Variants in SEPTIN9 observed in about 807,000 individuals in gnomAD.
SEPTIN9 encodes septin 9.
SEPTIN9 carries 13 observed loss-of-function variants against 56.6 expected under a neutral mutation model. The ratio of observed to expected loss-of-function variants is 0.23; its 90% CI spans 0.15 to 0.37. The LOEUF (loss-of-function observed/expected upper bound fraction) is 0.37, where lower values mean the gene tolerates loss of function less well. SEPTIN9 is among the 10% of genes least tolerant of loss of function. SEPTIN9 has a pLI of 1.00. For synonymous variants in SEPTIN9, 332 were observed against 334.1 expected (o/e 0.99, Z 0.07); for missense variants, 650 against 823.1 (o/e 0.79, Z 2.57).
At chr17:77,416,206 C>T (rs1283568856) in intron 3 of SEPTIN9, among the ~76,000 whole-genome samples, 2 of 152,218 alleles carry the variant, frequency 1.3e-5, no homozygotes, top group Non-Finnish European at 2.9e-5. Flanking sequence ...ACGAAGGCCT[C>T]ACCCTAATCC....
At chr17:77,348,658 T>C (rs1307841955) in intron 2 of SEPTIN9, among the ~76,000 whole-genome samples, 1 of 152,182 alleles carries the variant, frequency 6.6e-6, no homozygotes, top group Non-Finnish European at 1.5e-5. Context: ...ACTTTATAGA[T>C]TCTATTGCAC....
Position 77,434,302 on chromosome 17 carries a change from T to C in SEPTIN9, c.721+31599T>C, listed in dbSNP as rs2037260056. On this transcript the variant is annotated intron_variant, in intron 3 of 11. Transcript: ENST00000427177. This position sits in a 1 kb window ranked among gnomAD's most constrained non-coding sequence, Gnocchi z 5.0. ...ACCCTCCTTGTGCCTCCGTTCACCCTGTCCACCCGCAGGGCCTGCAGGAGC... is the reference window on the plus strand; with the variant it reads ...ACCCTCCTTGTGCCTCCGTTCACCCCGTCCACCCGCAGGGCCTGCAGGAGC... Among the ~76,000 whole-genome samples, 1 of 152,162 alleles carries C rather than the reference T, an allele frequency of 6.6e-6. No individual in the cohort carries two copies. The highest frequency in any genetic ancestry group is 2.1e-4 in the South Asian group (1 of 4,828).
intron 3 of SEPTIN9, chr17:77,428,894 G>A (rs1203576909): frequency 3.6e-5 from 15 of 416,546 alleles, no homozygotes; most frequent in Admixed American, 7.9e-5. Context: ...TTGCCTCATC[G>A]TATGTAAATT....
intron 1 of SEPTIN9, among the ~76,000 whole-genome samples, chr17:77,296,669 A>G (rs756367955): frequency 6.6e-6 from 1 of 152,176 alleles, no homozygotes; most frequent in Non-Finnish European, 1.5e-5. Context: ...CCTGGCTAAC[A>G]GGGTGAAACC....
rs961157816 is a variant in SEPTIN9 at position 77,451,420 on chromosome 17, C to G, written c.722-30724C>G. The stretch of plus-strand genomic sequence containing the variant: ...CCGCGCTCTGGGAGGCTCCTTGTTC[C>G]GCGACCACAAAGCCCCTTTGATCCT... On this transcript the variant is annotated intron_variant, in intron 3 of 11. Coordinates refer to ENST00000427177, the MANE Select transcript of SEPTIN9 (RefSeq NM_001113491.2). This position sits in a 1 kb window ranked among gnomAD's most constrained non-coding sequence, Gnocchi z 4.2. The G allele has an allele frequency of 2.0e-4, 195 of 985,556 alleles. No individual in the cohort carries two copies. The highest frequency in any genetic ancestry group is 2.3e-4 in the Non-Finnish European group (191 of 830,086). 61.1% of individuals were successfully genotyped at this position (985,556 alleles called of 1,614,324 possible).
At chr17:77,320,086 G>T in intron 2 of SEPTIN9, 1 of 1,426,088 alleles carries the variant, frequency 7.0e-7, no homozygotes, top group Admixed American at 2.8e-5. Flanking sequence ...CTCCCGTTTT[G>T]AAGAGACAAT....
chr17:77,299,100 A>C (rs1422055074), intron 1 of SEPTIN9, among the ~76,000 whole-genome samples: 1 of 152,192 alleles, frequency 6.6e-6, no homozygotes, highest in Non-Finnish European at 1.5e-5. Flanking sequence ...GTGGCATGTG[A>C]AGCTGAGGCT....
At chr17:77,426,863 G>C (rs1568060323) in intron 3 of SEPTIN9, 1 of 152,212 alleles carries the variant, frequency 6.6e-6, no homozygotes, top group Non-Finnish European at 1.5e-5. Context: ...GTGAATGCCT[G>C]TTAAGCATTA....
At chr17:77,308,613 A>C (rs944710315) in intron 2 of SEPTIN9, among the ~76,000 whole-genome samples, 13 of 152,232 alleles carry the variant, frequency 8.5e-5, no homozygotes, top group African/African-American at 3.1e-4. Flanking sequence ...ATTTCCACTT[A>C]TATCTACGTG....
chr17:77,407,282 CAAAAAA>C lies in SEPTIN9; in HGVS notation c.721+4600_721+4605del, dbSNP rs58585658. On this transcript the variant is annotated intron_variant, in intron 3 of 11. Coordinates refer to ENST00000427177, the MANE Select transcript of SEPTIN9 (RefSeq NM_001113491.2). ...TAGGAGACAGAGTGAGACCCTGTCT[CAAAAAA>C]AAAAAAAAAAAAAAAAAAAATCCCA... 5.3e-3 allele frequency among the ~76,000 whole-genome samples: 237 copies of C among 44,590 alleles called. 1 individual carries two copies. The highest frequency in any genetic ancestry group is 0.015 in the African/African-American group (204 of 13,974). The allele number at this position is 44,590 out of a possible 152,430, so 29.3% of individuals were successfully genotyped here. A position where few individuals can be genotyped will look rare whatever the true frequency, so the allele number is the denominator to read the frequency against.
intron 10 of SEPTIN9, 143 bp downstream of exon 10, chr17:77,493,219 G>C (rs963598488): frequency 7.3e-6 from 5 of 683,720 alleles, no homozygotes; most frequent in African/African-American, 7.1e-5. Flanking sequence ...GGGTCTCCTT[G>C]TCCCCATTCA....
At chr17:77,485,414 G>A (rs370449133) in intron 4 of SEPTIN9, among the ~76,000 whole-genome samples, 136 of 151,690 alleles carry the variant, frequency 9.0e-4, no homozygotes, top group Middle Eastern at 6.8e-3. Flanking sequence ...TGATTGTGAT[G>A]ACAGTGGTGG....
In SEPTIN9 at chr17:77,310,747, G is replaced by A. The variant is rs962677935; in HGVS notation, c.76+3550G>A. On this transcript the variant is annotated intron_variant, in intron 2 of 11. Transcript: ENST00000427177. This position sits in a 1 kb window ranked among gnomAD's most constrained non-coding sequence, Gnocchi z 4.7. ...CTGACTGAGCGTCCAGCGGACTTTT[G>A]CCCTGTTTCCCACGGTGCACGGAGC... 6.6e-6 allele frequency among the ~76,000 whole-genome samples: 1 copy of A among 152,040 alleles called. No individual in the cohort carries two copies. Among genetic ancestry groups the A allele is most frequent in the African/African-American group, 2.4e-5 (1 of 41,390 alleles).
At position 77,499,053 on chromosome 17, in the gene SEPTIN9, G is replaced by A. The variant is rs1454914044; in HGVS notation, c.*395G>A. ...CTCGCACTTGCAGAGGAGCCCAGTG[G>A]GCTGCACGCTCCCCTCCATCCCCAT... On this transcript the variant is annotated 3_prime_UTR_variant, in exon 12 of 12. Transcript: ENST00000427177. 4 of 537,432 alleles carry A rather than the reference G, an allele frequency of 7.4e-6. No homozygotes were observed. Among genetic ancestry groups the A allele is most frequent in the Middle Eastern group, 2.8e-4 (1 of 3,516 alleles). 33.3% of individuals were successfully genotyped at this position (537,432 alleles called of 1,614,324 possible).
Position 77,499,422 on chromosome 17 carries a change from C to T in SEPTIN9, c.*764C>T, listed in dbSNP as rs422959. On this transcript the variant is annotated 3_prime_UTR_variant, in exon 12 of 12. Coordinates refer to ENST00000427177, the MANE Select transcript of SEPTIN9 (RefSeq NM_001113491.2). Reference sequence around the variant, plus strand: ...CCGGGCTGCAGGTGCTGCTGATGCGCTGGGATCTGATTGAGGATAAAAAGG... The same window carrying T: ...CCGGGCTGCAGGTGCTGCTGATGCGTTGGGATCTGATTGAGGATAAAAAGG... The T allele has an allele frequency of 1.9e-6, 1 of 538,846 alleles. No individual in the cohort carries two copies. Among genetic ancestry groups the T allele is most frequent in the Admixed American group, 2.2e-5 (1 of 45,172 alleles). 33.4% of individuals were successfully genotyped at this position (538,846 alleles called of 1,614,324 possible).
chr17:77,410,688 G>C (rs544075128), intron 3 of SEPTIN9, among the ~76,000 whole-genome samples: 2 of 152,350 alleles, frequency 1.3e-5, no homozygotes, highest in East Asian at 1.9e-4. Context: ...TCGTGAAGCA[G>C]GGTGGAGCGC....
At chr17:77,406,004 C>A (rs1055294505) in intron 3 of SEPTIN9, among the ~76,000 whole-genome samples, 3 of 152,246 alleles carry the variant, frequency 2.0e-5, no homozygotes, top group African/African-American at 7.2e-5. Context: ...TGAGCAGACG[C>A]CCAGCCCCTT....
Position 77,429,137 on chromosome 17 carries a change from G to T in SEPTIN9, c.721+26434G>T. 1 of 471,700 alleles carries T rather than the reference G, an allele frequency of 2.1e-6. No individual in the cohort carries two copies. Among genetic ancestry groups the T allele is most frequent in the Non-Finnish European group, 4.4e-6 (1 of 227,212 alleles). The allele number at this position is 471,700 out of a possible 1,614,324, so 29.2% of individuals were successfully genotyped here. On this transcript the variant is annotated intron_variant, in intron 3 of 11. Transcript: ENST00000427177. This position sits in a 1 kb window ranked among gnomAD's most constrained non-coding sequence, Gnocchi z 5.2. ...TGTGTGAGGCCAAGCTCCTGGGGTG[G>T]GGACTTGGGGGTGTGTCTGCAGCTC...
chr17:77,486,229 C>A (rs868401834), intron 4 of SEPTIN9, among the ~76,000 whole-genome samples: 2 of 152,084 alleles, frequency 1.3e-5, no homozygotes, highest in African/African-American at 4.8e-5. Flanking sequence ...CAGCCTCCTG[C>A]GTAGCTGGGA....
Sources: gnomAD v4.1 joint callset for allele counts (sites outside exome capture counted in the v4.1 genomes callset) on GRCh38, gnomAD v4.1.1 for gene constraint, Gnocchi (gnomAD v3.1) non-coding constraint, MANE v1.5 for transcripts, NCBI Gene and HGNC (gene_info 2026-07-23, HGNC 2026-07-21) for gene names.